Variants in LRRTM3 observed in about 807,000 individuals in gnomAD.
LRRTM3 encodes leucine rich repeat transmembrane neuronal 3, also known as leucine-rich repeat transmembrane neuronal protein 3.
Under a neutral mutation model 44.7 loss-of-function variants are expected in LRRTM3, and 24 were observed. That is an observed-to-expected ratio of 0.54 (90% CI 0.39 to 0.76). The LOEUF (loss-of-function observed/expected upper bound fraction) is 0.76. Among genes scored for constraint, LRRTM3 ranks in the 30% least tolerant of loss-of-function variants. The pLI is 0.00. For synonymous variants in LRRTM3, 277 were observed against 278.7 expected, an observed-to-expected ratio of 0.99 and a Z score of 0.06; for missense variants, 587 against 702.2, an observed-to-expected ratio of 0.84 and a Z score of 1.85.
At chr10:67,089,839 T>C (rs1857526528) in intron 2 of LRRTM3, among the ~76,000 whole-genome samples, 1 of 151,790 alleles carries the variant, frequency 6.6e-6, no homozygotes, top group African/African-American at 2.4e-5. Context: ...TCCATCCCTT[T>C]CACAAGCCTA....
intron 2 of LRRTM3, among the ~76,000 whole-genome samples, chr10:66,937,656 C>G (rs1847782945): frequency 6.6e-6 from 1 of 152,084 alleles, no homozygotes; most frequent in Non-Finnish European, 1.5e-5. Context: ...AGCCTCCCAA[C>G]AAAGCCCAGC....
intron 2 of LRRTM3, among the ~76,000 whole-genome samples, chr10:67,068,946 G>T (rs1315118505): frequency 6.6e-6 from 1 of 152,122 alleles, no homozygotes; most frequent in Non-Finnish European, 1.5e-5. Context: ...TGTAATCCCA[G>T]CTACTCAGGA....
chr10:66,931,354 GTAGT>G (rs1424776197), intron 2 of LRRTM3, among the ~76,000 whole-genome samples: 1 of 152,162 alleles, frequency 6.6e-6, no homozygotes, highest in African/African-American at 2.4e-5. Flanking sequence ...ACCACAGCAT[GTAGT>G]TAAATAGTCC....
chr10:67,084,772 C>T lies in LRRTM3; in HGVS notation c.1537-12815C>T, dbSNP rs199821985. 1.7e-4 allele frequency among the ~76,000 whole-genome samples: 26 copies of T among 151,934 alleles called. No homozygotes were observed. In the East Asian group the frequency reaches 2.7e-3, roughly 16 times the overall value. On this transcript the variant is annotated intron_variant, in intron 2 of 2. Coordinates refer to ENST00000361320, the MANE Select transcript of LRRTM3 (RefSeq NM_178011.5). ...AGCTTTTTCATAGAGAAGGCTGTAT[C>T]GCATAAAAAATCTGCCTAGACTACG... is the stretch of plus-strand genomic sequence containing the variant.
Position 66,980,976 on chromosome 10 carries a change from G to A in LRRTM3, c.1536+52524G>A, listed in dbSNP as rs555389711. On this transcript the variant is annotated intron_variant, in intron 2 of 2. Transcript: ENST00000361320. ...GGCTGGAGTGCGATGGTGTGATTTC[G>A]GCTCACCCCAACCTCCACCTCCCGG... 8.6e-5 allele frequency among the ~76,000 whole-genome samples: 13 copies of A among 151,860 alleles called. 1 individual carries two copies. The highest frequency in any genetic ancestry group is 1.7e-4 in the African/African-American group (7 of 41,414).
chr10:66,945,915 C>G (rs1158965255), intron 2 of LRRTM3, among the ~76,000 whole-genome samples: 1 of 152,060 alleles, frequency 6.6e-6, no homozygotes, highest in Non-Finnish European at 1.5e-5. Flanking sequence ...TTGTCAGATT[C>G]TATGGTTGTA....
At chr10:66,928,475 GA>G (rs767336165) in intron 2 of LRRTM3, 23 bp downstream of exon 2, 1 of 1,560,544 alleles carries the variant, frequency 6.4e-7, no homozygotes, top group African/African-American at 1.4e-5. Flanking sequence ...GTGATAAAAA[GA>G]GCTCTTAAAA....
chr10:67,016,358 T>C (rs1053332454), intron 2 of LRRTM3, among the ~76,000 whole-genome samples: 47 of 152,164 alleles, frequency 3.1e-4, no homozygotes, highest in African/African-American at 1.1e-3. Context: ...TTGAAAGTAG[T>C]TCTTCCCTCG....
chr10:66,990,016 G>A (rs1203050536), intron 2 of LRRTM3, among the ~76,000 whole-genome samples: 1 of 152,136 alleles, frequency 6.6e-6, no homozygotes, highest in Non-Finnish European at 1.5e-5. Context: ...ATTATACGAA[G>A]AGAAATGCAA....
At chr10:66,981,521 G>C (rs550992486) in intron 2 of LRRTM3, among the ~76,000 whole-genome samples, 16 of 151,964 alleles carry the variant, frequency 1.1e-4, no homozygotes, top group Non-Finnish European at 1.8e-4. Context: ...CTCATTTACA[G>C]CATATCTCCA....
At chr10:67,037,146 A>G (rs1157026236) in intron 2 of LRRTM3, among the ~76,000 whole-genome samples, 2 of 152,174 alleles carry the variant, frequency 1.3e-5, no homozygotes, top group Admixed American at 1.3e-4. Context: ...TTGACTCATT[A>G]AACAAGTAGA....
At chr10:67,093,120 A>C (rs1589728143) in intron 2 of LRRTM3, among the ~76,000 whole-genome samples, 1 of 152,004 alleles carries the variant, frequency 6.6e-6, no homozygotes, top group South Asian at 2.1e-4. Context: ...ATTCATGGAG[A>C]GAAACTTAAT....
chr10:66,960,742 C>G (rs994349653), intron 2 of LRRTM3, among the ~76,000 whole-genome samples: 1 of 152,050 alleles, frequency 6.6e-6, no homozygotes, highest in East Asian at 1.9e-4. Flanking sequence ...CAGAACAGAA[C>G]AGAATGGCAT....
intron 2 of LRRTM3, among the ~76,000 whole-genome samples, chr10:66,978,552 A>ATATATATATATATATATATAT (rs1197845049): frequency 2.6e-5 from 1 of 37,884 alleles, no homozygotes; most frequent in Admixed American, 4.9e-4. Flanking sequence ...AAAAAAAAAA[A>ATATATATATATATATATATAT]ATATATATAT....
chr10:67,008,809 A>C (rs1852159285), intron 2 of LRRTM3, among the ~76,000 whole-genome samples: 1 of 152,182 alleles, frequency 6.6e-6, no homozygotes, highest in Admixed American at 6.6e-5. Context: ...CCAGTGCATA[A>C]GAATCTTTTT....
chr10:67,035,503 A>G (rs1853988504), intron 2 of LRRTM3, among the ~76,000 whole-genome samples: 1 of 152,196 alleles, frequency 6.6e-6, no homozygotes, highest in South Asian at 2.1e-4. Context: ...AGTAAAGAAT[A>G]TAGGAGAAAG....
intron 2 of LRRTM3, among the ~76,000 whole-genome samples, chr10:67,028,404 T>C (rs931744955): frequency 6.6e-6 from 1 of 152,056 alleles, no homozygotes; most frequent in Admixed American, 6.6e-5. Context: ...GTATTTAACA[T>C]TTCTCAACCA....
chr10:67,004,647 G>A (rs1158898815), intron 2 of LRRTM3, among the ~76,000 whole-genome samples: 2 of 152,142 alleles, frequency 1.3e-5, no homozygotes, highest in Admixed American at 1.3e-4. Context: ...ATAACTGATG[G>A]CATTGGCAAG....
intron 2 of LRRTM3, among the ~76,000 whole-genome samples, chr10:67,031,789 T>A (rs562901317): frequency 6.6e-6 from 1 of 152,290 alleles, no homozygotes; most frequent in East Asian, 1.9e-4. Flanking sequence ...GTTCTTAGAG[T>A]TCTGCAATGT....
Sources: allele counts gnomAD v4.1 joint callset (sites outside exome capture counted in the v4.1 genomes callset), GRCh38; gene constraint gnomAD v4.1.1; transcripts MANE v1.5; gene names NCBI Gene and HGNC (gene_info 2026-07-23, HGNC 2026-07-21).